The following PLEKHA5 variants were observed in gnomAD, a reference collection of about 807,000 sequenced individuals.
PLEKHA5 encodes pleckstrin homology domain-containing family A member 5.
PLEKHA5 carries 55 observed loss-of-function variants against 181.9 expected under a neutral mutation model. The ratio of observed to expected loss-of-function variants is 0.30; its 90% CI spans 0.24 to 0.38. The LOEUF (loss-of-function observed/expected upper bound fraction) is 0.38. PLEKHA5 is among the 10% of genes least tolerant of loss of function. The pLI is 1.00. For missense variants in PLEKHA5, 1,432 were observed against 1,549.5 expected (o/e 0.92, Z 1.27); for synonymous variants, 535 against 529.4 (o/e 1.01, Z -0.15).
intron 11 of PLEKHA5, among the ~76,000 whole-genome samples, chr12:19,278,627 A>G (rs2075252755): frequency 6.6e-6 from 1 of 152,104 alleles, no homozygotes; most frequent in Non-Finnish European, 1.5e-5. Flanking sequence ...ATTTGCACAT[A>G]GTCATGGGAT....
In PLEKHA5 at chr12:19,130,226, C is replaced by G. The variant is rs2033104136; in HGVS notation, c.169+96C>G. 6 of 666,014 alleles carry G rather than the reference C, an allele frequency of 9.0e-6. No individual in the cohort carries two copies. Among genetic ancestry groups the G allele is most frequent in the Non-Finnish European group, 1.3e-5 (6 of 471,828 alleles). The allele number at this position is 666,014 out of a possible 1,614,324, so 41.3% of individuals were successfully genotyped here. ...CGCAACCTGCCCCGCGCCGCGGGCC[C>G]CGGGAGGCGGCGAGGCGGGGCGGAG... On this transcript the variant is annotated intron_variant, in intron 2 of 31. Transcript: ENST00000429027. The surrounding 1 kb of genome is among the most constrained non-coding windows in gnomAD (Gnocchi z 4.5).
At chr12:19,209,049 T>A (rs972015759) in intron 3 of PLEKHA5, among the ~76,000 whole-genome samples, 2 of 152,074 alleles carry the variant, frequency 1.3e-5, no homozygotes, top group Non-Finnish European at 2.9e-5. Context: ...TTTAATAAAT[T>A]TTTTTACACC....
At chr12:19,316,193 A>G (rs1458728279) in intron 16 of PLEKHA5, among the ~76,000 whole-genome samples, 2 of 152,138 alleles carry the variant, frequency 1.3e-5, no homozygotes, top group Non-Finnish European at 2.9e-5. Flanking sequence ...TGCTAAATTG[A>G]CATGAGATCA....
chr12:19,321,588 G>C (rs1839515561), intron 18 of PLEKHA5: 1 of 146,828 alleles, frequency 6.8e-6, no homozygotes, highest in South Asian at 2.1e-4. Context: ...AGCCAGGCTG[G>C]TCTCGACCTC....
At position 19,274,640 on chromosome 12, in the gene PLEKHA5, GA is replaced by G; in HGVS notation, c.977del (p.Lys326ArgfsTer3). Reference sequence around the variant, plus strand: ...AAACAAGGAAATGAGCAAAATTGAAGAAAAAAAGGCATTAGAAGCTGAAAAA... The same window carrying G: ...AAACAAGGAAATGAGCAAAATTGAAGAAAAAAGGCATTAGAAGCTGAAAAA... ...QKNKEMSKIE[E>X]KKALEAEKYG... On this transcript the variant is annotated frameshift_variant, in exon 11 of 32. Coordinates refer to ENST00000429027, the MANE Select transcript of PLEKHA5 (RefSeq NM_001256470.2). LOFTEE classifies it high-confidence loss of function. 2 of 1,613,480 alleles carry G rather than the reference GA, an allele frequency of 1.2e-6. No homozygotes were observed. The highest frequency in any genetic ancestry group is 1.7e-6 in the Non-Finnish European group (2 of 1,179,572).
intron 11 of PLEKHA5, among the ~76,000 whole-genome samples, chr12:19,275,493 A>G (rs1367060021): frequency 6.6e-6 from 1 of 152,206 alleles, no homozygotes; most frequent in Non-Finnish European, 1.5e-5. Flanking sequence ...GGCCAGGCGC[A>G]GTTTTTCGGC....
At chr12:19,256,395 AG>A (rs2066884063) in intron 5 of PLEKHA5, among the ~76,000 whole-genome samples, 1 of 152,208 alleles carries the variant, frequency 6.6e-6, no homozygotes, top group Admixed American at 6.5e-5. Context: ...ATTAATCATG[AG>A]AACAATTATT....
chr12:19,211,407 G>A (rs1159864327), intron 3 of PLEKHA5, among the ~76,000 whole-genome samples: 1 of 152,040 alleles, frequency 6.6e-6, no homozygotes, highest in Non-Finnish European at 1.5e-5. Context: ...AGGGGAGGTG[G>A]GCAGAGGGAA....
chr12:19,181,112 A>G (rs2048458958), intron 3 of PLEKHA5, among the ~76,000 whole-genome samples: 1 of 152,216 alleles, frequency 6.6e-6, no homozygotes, highest in Non-Finnish European at 1.5e-5. Context: ...CTCTATAGTA[A>G]TATTTCACTA....
chr12:19,162,283 C>A (rs1199425532), intron 3 of PLEKHA5, among the ~76,000 whole-genome samples: 1 of 151,938 alleles, frequency 6.6e-6, no homozygotes. Context: ...TGCCTTCCCC[C>A]AATGAAATAT....
intron 3 of PLEKHA5, among the ~76,000 whole-genome samples, chr12:19,226,614 A>C (rs2059731144): frequency 6.6e-6 from 1 of 152,168 alleles, no homozygotes; most frequent in Admixed American, 6.5e-5. Flanking sequence ...AATTGTGAAC[A>C]ATCTGGAATT....
chr12:19,180,548 A>G (rs1183399694), intron 3 of PLEKHA5, among the ~76,000 whole-genome samples: 1 of 152,112 alleles, frequency 6.6e-6, no homozygotes, highest in Admixed American at 6.5e-5. Context: ...TTTAAAAGGC[A>G]CCTTGTTATT....
At chr12:19,311,352 C>T (rs1201460360) in intron 15 of PLEKHA5, among the ~76,000 whole-genome samples, 1 of 151,116 alleles carries the variant, frequency 6.6e-6, no homozygotes, top group Non-Finnish European at 1.5e-5. Flanking sequence ...GCGGCAGGAT[C>T]GCTTGAGCCC....
intron 3 of PLEKHA5, among the ~76,000 whole-genome samples, chr12:19,162,376 TG>T (rs2043162507): frequency 6.6e-6 from 1 of 152,236 alleles, no homozygotes; most frequent in African/African-American, 2.4e-5. Flanking sequence ...GAAGCTGTTT[TG>T]CACATCGATA....
At chr12:19,288,944 T>A (rs2077808699) in intron 13 of PLEKHA5, among the ~76,000 whole-genome samples, 1 of 152,244 alleles carries the variant, frequency 6.6e-6, no homozygotes, top group African/African-American at 2.4e-5. Context: ...TTTGAAAATC[T>A]CTTAGTCTGT....
chr12:19,164,443 C>T (rs978170724), intron 3 of PLEKHA5, among the ~76,000 whole-genome samples: 1 of 152,176 alleles, frequency 6.6e-6, no homozygotes, highest in African/African-American at 2.4e-5. Flanking sequence ...GATCCACTCA[C>T]CTCAGCCTCC....
intron 3 of PLEKHA5, among the ~76,000 whole-genome samples, chr12:19,230,716 C>T (rs577615206): frequency 3.3e-5 from 5 of 152,228 alleles, no homozygotes; most frequent in South Asian, 4.1e-4. Context: ...ACGTGCACCC[C>T]GGTTCCCACC....
chr12:19,240,952 C>G (rs1259835759), intron 3 of PLEKHA5, among the ~76,000 whole-genome samples: 2 of 152,080 alleles, frequency 1.3e-5, no homozygotes, highest in Non-Finnish European at 2.9e-5. Context: ...ACCCTGTGAG[C>G]ATTTTTATTC....
chr12:19,241,036 G>A (rs1165563079), intron 3 of PLEKHA5, among the ~76,000 whole-genome samples: 1 of 152,090 alleles, frequency 6.6e-6, no homozygotes, highest in African/African-American at 2.4e-5. Flanking sequence ...CACATTATCA[G>A]TGTTCCTTAT....
Sources: allele counts gnomAD v4.1 joint callset (sites outside exome capture counted in the v4.1 genomes callset), GRCh38; gene constraint gnomAD v4.1.1; non-coding constraint Gnocchi (gnomAD v3.1); transcripts MANE v1.5; gene names NCBI Gene and HGNC (gene_info 2026-07-23, HGNC 2026-07-21).